Variants in DSCAM observed in about 807,000 individuals in gnomAD.
DSCAM encodes the protein DS cell adhesion molecule, also known as cell adhesion molecule DSCAM.
Under a neutral mutation model 217.7 loss-of-function variants are expected in DSCAM, and 47 were observed. The ratio of observed to expected loss-of-function variants is 0.22; its 90% confidence interval spans 0.17 to 0.28. The LOEUF (loss-of-function observed/expected upper bound fraction) is 0.28. Ranked by LOEUF, DSCAM falls within the 10% of genes least tolerant of loss-of-function variation. DSCAM has a pLI of 1.00. For missense variants in DSCAM, 2,080 were observed against 2,618.3 expected (o/e 0.79, Z 4.49); for synonymous variants, 1,056 against 1,015.3 (o/e 1.04, Z -0.76).
chr21:40,037,524 A>T (rs1438797314), intron 32 of DSCAM, among the ~76,000 whole-genome samples: 3 of 147,562 alleles, frequency 2.0e-5, no homozygotes. Context: ...AGAGGATACA[A>T]ACAAATGGAA....
In DSCAM at chr21:40,737,257, A is replaced by AGC. The variant is rs946876809; in HGVS notation, c.44-28487_44-28486insGC. On this transcript the variant is annotated intron_variant, in intron 1 of 32. Coordinates refer to ENST00000400454, the MANE Select transcript of DSCAM (RefSeq NM_001389.5). ...AAATGATACATATTATAGGATCACA[A>AGC]GTGTATATATATAAAAAATAGAGAC... Among the ~76,000 whole-genome samples, 16 of 152,334 alleles carry AGC rather than the reference A, an allele frequency of 1.1e-4. 1 individual carries two copies. Among genetic ancestry groups the AGC allele is most frequent in the African/African-American group, 3.1e-4 (13 of 41,584 alleles).
rs560468824 is a variant in DSCAM at position 40,622,156 on chromosome 21, C to A, written c.508+70654G>T. Among the ~76,000 whole-genome samples the A allele has an allele frequency of 1.7e-3, 256 of 152,062 alleles. 2 individuals carry two copies. The highest frequency in any genetic ancestry group is 6.0e-3 in the African/African-American group (247 of 41,468). On this transcript the variant is annotated intron_variant, in intron 3 of 32. Transcript: ENST00000400454. Reference sequence around the variant, plus strand: ...CACTTACCAGAATATTACTGGAAGCCCACAATTATCACCTGCCTCCTATTT... The same window carrying A: ...CACTTACCAGAATATTACTGGAAGCACACAATTATCACCTGCCTCCTATTT...
At chr21:40,790,322 CA>C in intron 1 of DSCAM, among the ~76,000 whole-genome samples, 1 of 152,076 alleles carries the variant, frequency 6.6e-6, no homozygotes, top group South Asian at 2.1e-4. Flanking sequence ...GCTGGGATTA[CA>C]GGTGTGCTCC....
At chr21:40,620,372 A>AAG (rs1491018149) in intron 3 of DSCAM, among the ~76,000 whole-genome samples, 1 of 97,648 alleles carries the variant, frequency 1.0e-5, no homozygotes, top group African/African-American at 3.2e-5. Flanking sequence ...AAGAAAAAGA[A>AAG]AGAAAGAAAG....
chr21:40,078,308 AGTT>A (rs534994172), intron 26 of DSCAM, among the ~76,000 whole-genome samples: 302 of 152,294 alleles, frequency 2.0e-3, no homozygotes, highest in African/African-American at 6.8e-3. Context: ...CAAAAAAGAA[AGTT>A]GTTATGTGGA....
At chr21:40,259,735 G>A (rs1014757735) in intron 11 of DSCAM, among the ~76,000 whole-genome samples, 1 of 137,062 alleles carries the variant, frequency 7.3e-6, no homozygotes, top group East Asian at 2.2e-4. Flanking sequence ...GTGCAGTGGC[G>A]AAGTCTCGGC....
chr21:40,745,942 T>C (rs2091169684), intron 1 of DSCAM, among the ~76,000 whole-genome samples: 1 of 152,074 alleles, frequency 6.6e-6, no homozygotes, highest in Non-Finnish European at 1.5e-5. Context: ...TTTGTTTTTC[T>C]TGCTTTAATT....
At chr21:40,636,525 T>G (rs2089761167) in intron 3 of DSCAM, among the ~76,000 whole-genome samples, 1 of 152,094 alleles carries the variant, frequency 6.6e-6, no homozygotes, top group African/African-American at 2.4e-5. Context: ...AATGTGAGAT[T>G]CGTATCAGTG....
intron 3 of DSCAM, among the ~76,000 whole-genome samples, chr21:40,499,013 A>G (rs952248582): frequency 7.2e-5 from 11 of 151,738 alleles, no homozygotes; most frequent in African/African-American, 2.7e-4. Context: ...ATCATGTAAG[A>G]GAGCTGGAGC....
At chr21:40,056,988 C>T (rs976896731) in intron 28 of DSCAM, among the ~76,000 whole-genome samples, 17 of 152,206 alleles carry the variant, frequency 1.1e-4, no homozygotes, top group African/African-American at 4.1e-4. Flanking sequence ...GTGGACAGAA[C>T]TTTAATTATC....
At chr21:40,621,509 T>C (rs921233623) in intron 3 of DSCAM, 1 of 152,030 alleles carries the variant, frequency 6.6e-6, no homozygotes, top group Non-Finnish European at 1.5e-5. Flanking sequence ...TACAAAGCAA[T>C]GCTGACTGGA....
At chr21:40,612,121 T>C (rs2089323943) in intron 3 of DSCAM, among the ~76,000 whole-genome samples, 1 of 152,198 alleles carries the variant, frequency 6.6e-6, no homozygotes, top group African/African-American at 2.4e-5. Flanking sequence ...ATGGGAAGCC[T>C]TGGAAGGTTG....
intron 3 of DSCAM, among the ~76,000 whole-genome samples, chr21:40,588,413 G>A (rs2076961783): frequency 6.6e-6 from 1 of 152,182 alleles, no homozygotes; most frequent in Admixed American, 6.5e-5. Context: ...ATACCCTTGT[G>A]ATGAATCTTA....
intron 32 of DSCAM, among the ~76,000 whole-genome samples, chr21:40,025,722 C>T (rs1447497657): frequency 8.0e-5 from 12 of 150,914 alleles, no homozygotes; most frequent in Admixed American, 7.9e-4. Context: ...GTGATGTCCC[C>T]TTTATCATTT....
intron 19 of DSCAM, among the ~76,000 whole-genome samples, chr21:40,127,273 G>A (rs2090104222): frequency 6.6e-6 from 1 of 152,126 alleles, no homozygotes; most frequent in Non-Finnish European, 1.5e-5. Context: ...CCTTTACTTT[G>A]TGACTCAGTG....
rs112451206 is a variant in DSCAM, at chr21:40,267,230, C to T, written c.2356+8867G>A. Among the ~76,000 whole-genome samples, 501 of 150,110 alleles carry T rather than the reference C, an allele frequency of 3.3e-3. 6 individuals carry two copies. The highest frequency in any genetic ancestry group is 0.012 in the African/African-American group (477 of 40,492). ...AAGTAACAGGTCATCTGGACACCTC[C>T]TGAAGGACCTGCCTGAGCTGTTTTA... On this transcript the variant is annotated intron_variant, in intron 11 of 32. Coordinates refer to ENST00000400454, the MANE Select transcript of DSCAM (RefSeq NM_001389.5).
chr21:40,531,126 CCTT>C (rs2076442957), intron 3 of DSCAM, among the ~76,000 whole-genome samples: 1 of 152,166 alleles, frequency 6.6e-6, no homozygotes, highest in Non-Finnish European at 1.5e-5. Flanking sequence ...GCTACAATCT[CCTT>C]CTTGGCGTCT....
At chr21:40,277,632 ATTTT>A (rs563319395) in intron 10 of DSCAM, among the ~76,000 whole-genome samples, 1 of 137,210 alleles carries the variant, frequency 7.3e-6, no homozygotes, top group Non-Finnish European at 1.6e-5. Flanking sequence ...GACAACCTGA[ATTTT>A]TTTTTTTTTT....
At chr21:40,830,560 A>C (rs2092004589) in intron 1 of DSCAM, among the ~76,000 whole-genome samples, 1 of 152,194 alleles carries the variant, frequency 6.6e-6, no homozygotes, top group Admixed American at 6.5e-5. Context: ...CCTGGAAGTC[A>C]AGTGCAGGAG....
Sources: allele counts gnomAD v4.1 joint callset (sites outside exome capture counted in the v4.1 genomes callset), GRCh38; gene constraint gnomAD v4.1.1; transcripts MANE v1.5; gene names NCBI Gene and HGNC (gene_info 2026-07-23, HGNC 2026-07-21).